The following SPEF2 variants were observed in gnomAD, a reference collection of about 807,000 sequenced individuals.
The protein encoded by SPEF2 is sperm flagella and cilia-associated protein 2.
A neutral mutation model predicts 224.6 loss-of-function variants in SPEF2; 187 were observed. The observed-to-expected ratio is 0.83, with a 90% CI of 0.74 to 0.94. The LOEUF (loss-of-function observed/expected upper bound fraction) is 0.94. SPEF2 is among the 40% of genes least tolerant of loss of function. The pLI is 0.00. For synonymous variants in SPEF2, 715 were observed against 707.3 expected (o/e 1.01, Z -0.17); for missense variants, 2,170 against 2,135.6 (o/e 1.02, Z -0.32).
intron 19 of SPEF2, among the ~76,000 whole-genome samples, chr5:35,711,200 A>G (rs543474876): frequency 1.3e-5 from 2 of 152,226 alleles, no homozygotes; most frequent in Non-Finnish European, 2.9e-5. Context: ...TGAAAAGAGG[A>G]ATTATTCACT....
At chr5:35,806,491 C>G (rs189223630) in intron 34 of SPEF2, among the ~76,000 whole-genome samples, 106 of 152,324 alleles carry the variant, frequency 7.0e-4, no homozygotes, top group African/African-American at 2.5e-3. Context: ...CCACACTATA[C>G]AAGCTTCTAT....
At chr5:35,756,054 C>G (rs1750391070) in intron 24 of SPEF2, among the ~76,000 whole-genome samples, 1 of 152,176 alleles carries the variant, frequency 6.6e-6, no homozygotes, top group South Asian at 2.1e-4. Context: ...TACCCACAGT[C>G]CGAAAATATT....
rs770660816 is a variant in SPEF2, at chr5:35,789,454, T to G, written c.4448-2886T>G. ...AATTATCTGCCAGATGTTTCTTCAT[T>G]TAATTTGTTAGTTGTTATTTGGGTG... On this transcript the variant is annotated intron_variant, in intron 30 of 36. Coordinates refer to ENST00000356031, the MANE Select transcript of SPEF2 (RefSeq NM_024867.4). 4.4e-6 allele frequency: 3 copies of G among 674,378 alleles called. No homozygotes were observed. In the South Asian group the frequency reaches 4.9e-5, roughly 11 times the overall value. The allele number at this position is 674,378 out of a possible 1,614,324, so 41.8% of individuals were successfully genotyped here. A position where few individuals can be genotyped will look rare whatever the true frequency, so the allele number is the denominator to read the frequency against.
At chr5:35,658,336 A>G (rs1180339139) in intron 7 of SPEF2, among the ~76,000 whole-genome samples, 1 of 152,140 alleles carries the variant, frequency 6.6e-6, no homozygotes, top group African/African-American at 2.4e-5. Context: ...TCAGATTATG[A>G]TCACTCAGAT....
chr5:35,680,315 C>T (rs1752609108), intron 10 of SPEF2, among the ~76,000 whole-genome samples: 1 of 152,136 alleles, frequency 6.6e-6, no homozygotes, highest in Non-Finnish European at 1.5e-5. Flanking sequence ...TAATTTCATT[C>T]ATGGTATGTG....
In SPEF2 at chr5:35,670,152, T is replaced by C. The variant is rs1397861498; in HGVS notation, c.1449T>C (p.Ala483=). 6.2e-7 allele frequency: 1 copy of C among 1,612,458 alleles called. No individual in the cohort carries two copies. Among genetic ancestry groups the C allele is most frequent in the East Asian group, 2.2e-5 (1 of 44,748 alleles). Residue 483 remains alanine, a synonymous_variant, in exon 10 of 37, where the codon GCT becomes GCC. Transcript: ENST00000356031. The part of the protein sequence containing the change: ...YEQASVKTLP[A]NPSREQLTEL... ...AAGCCTCTGTTAAGACACTACCTGC[T>C]AACCCCTCAAGAGAACAACTTACAG... is the stretch of plus-strand genomic sequence containing the variant.
chr5:35,735,180 G>A (rs931929156), intron 21 of SPEF2, among the ~76,000 whole-genome samples: 5 of 152,094 alleles, frequency 3.3e-5, no homozygotes, highest in Non-Finnish European at 7.4e-5. Context: ...CTAGTACCTA[G>A]GAAAGTACCT....
chr5:35,804,716 TA>T (rs34104158), intron 34 of SPEF2, among the ~76,000 whole-genome samples: 28,782 of 151,654 alleles, frequency 0.19, 3,505 homozygotes, highest in African/African-American at 0.35. Context: ...TCTTAAATTT[TA>T]AAAAAAAATC....
intron 2 of SPEF2, among the ~76,000 whole-genome samples, chr5:35,641,151 G>C (rs1746573805): frequency 6.6e-6 from 1 of 152,114 alleles, no homozygotes; most frequent in African/African-American, 2.4e-5. Flanking sequence ...TTTAGGTGTT[G>C]TGACTTCTGT....
chr5:35,796,041 T>C (rs553764805), intron 33 of SPEF2, among the ~76,000 whole-genome samples: 1 of 152,350 alleles, frequency 6.6e-6, no homozygotes, highest in African/African-American at 2.4e-5. Flanking sequence ...GAAAATTCCA[T>C]GGCCTCTCAG....
intron 16 of SPEF2, 90 bp downstream of exon 16, chr5:35,700,842 G>T: frequency 1.5e-6 from 2 of 1,330,278 alleles, no homozygotes; most frequent in South Asian, 1.4e-5. Context: ...AATTATAAAT[G>T]AGTACAAAAT....
At chr5:35,808,019 A>G in intron 36 of SPEF2, 3 of 1,200,996 alleles carry the variant, frequency 2.5e-6, no homozygotes, top group Non-Finnish European at 3.1e-6. Context: ...AGTTGAAAAT[A>G]AAAGCGCTTT....
intron 10 of SPEF2, among the ~76,000 whole-genome samples, chr5:35,680,212 T>C (rs893182213): frequency 5.9e-5 from 9 of 152,214 alleles, no homozygotes; most frequent in Non-Finnish European, 1.0e-4. Context: ...TGCTTTTTGC[T>C]GACAACAAAA....
chr5:35,755,821 G>A (rs1750356759), intron 24 of SPEF2, among the ~76,000 whole-genome samples: 2 of 152,082 alleles, frequency 1.3e-5, no homozygotes, highest in Non-Finnish European at 2.9e-5. Flanking sequence ...TGTTGGCCAG[G>A]CTGCTCTCGA....
intron 30 of SPEF2, among the ~76,000 whole-genome samples, chr5:35,782,568 G>C (rs1302995843): frequency 6.6e-6 from 1 of 151,926 alleles, no homozygotes; most frequent in Non-Finnish European, 1.5e-5. Flanking sequence ...ATTACACTTT[G>C]CATGTTTTAA....
intron 1 of SPEF2, among the ~76,000 whole-genome samples, chr5:35,626,102 G>T (rs1321829902): frequency 6.6e-6 from 1 of 152,170 alleles, no homozygotes; most frequent in Admixed American, 6.5e-5. Flanking sequence ...GTTCCAGGCG[G>T]TACAATAGAT....
At chr5:35,792,610 T>C (rs561625814) in intron 31 of SPEF2, among the ~76,000 whole-genome samples, 164 bp downstream of exon 31, 2 of 152,348 alleles carry the variant, frequency 1.3e-5, no homozygotes, top group African/African-American at 4.8e-5. Flanking sequence ...TTAAAACATA[T>C]AATATGCATA....
intron 25 of SPEF2, among the ~76,000 whole-genome samples, chr5:35,762,071 T>C (rs541386679): frequency 1.3e-5 from 2 of 152,330 alleles, no homozygotes; most frequent in Non-Finnish European, 2.9e-5. Context: ...TTAGTAGTAG[T>C]ATCATAAGAT....
chr5:35,735,427 T>C (rs1355319198), intron 21 of SPEF2, among the ~76,000 whole-genome samples: 1 of 152,138 alleles, frequency 6.6e-6, no homozygotes, highest in African/African-American at 2.4e-5. Context: ...TAGGACTGAG[T>C]GGAAATTACA....
Sources: gnomAD v4.1 joint callset for allele counts (sites outside exome capture counted in the v4.1 genomes callset) on GRCh38, gnomAD v4.1.1 for gene constraint, MANE v1.5 for transcripts, NCBI Gene and HGNC (gene_info 2026-07-23, HGNC 2026-07-21) for gene names.